The following CDC16 variants were observed in gnomAD, a reference collection of about 807,000 sequenced individuals.
CDC16 encodes cell division cycle protein 16 homolog.
A neutral mutation model predicts 87.0 loss-of-function variants in CDC16; 34 were observed. That is an observed-to-expected ratio of 0.39 (90% CI 0.30 to 0.52). The LOEUF is 0.52. Ranked by LOEUF, CDC16 falls within the 20% of genes least tolerant of loss-of-function variation. CDC16 has a pLI of 0.74. For synonymous variants in CDC16, 263 were observed against 260.6 expected (o/e 1.01, Z -0.09); for missense variants, 653 against 751.9 (o/e 0.87, Z 1.54).
intron 5 of CDC16, 136 bp from the exon 6 acceptor site, chr13:114,241,985 A>G: frequency 1.0e-6 from 1 of 956,430 alleles, no homozygotes; most frequent in Non-Finnish European, 1.5e-6. Context: ...ATAGGAGTTC[A>G]AGGCTGCAGT....
chr13:114,259,410 A>G lies in CDC16; in HGVS notation c.1314+12A>G. On this transcript the variant is annotated intron_variant, in intron 14 of 17. Coordinates refer to ENST00000356221, the MANE Select transcript of CDC16 (RefSeq NM_001078645.3). ...CAATTGGGAACGAGGTATTCTTTGT[A>G]GTACCTGTAAATATACACATATACA... The G allele has an allele frequency of 6.6e-7, 1 of 1,506,756 alleles. No individual in the cohort carries two copies. Among genetic ancestry groups the G allele is most frequent in the Non-Finnish European group, 8.9e-7 (1 of 1,118,894 alleles). The allele number at this position is 1,506,756 out of a possible 1,614,324, so 93.3% of individuals were successfully genotyped here. A position where few individuals can be genotyped will look rare whatever the true frequency, so the allele number is the denominator to read the frequency against.
At chr13:114,245,913 A>T in intron 9 of CDC16, 87 bp from the exon 10 acceptor site, 2 of 727,102 alleles carry the variant, frequency 2.8e-6, no homozygotes, top group Non-Finnish European at 4.7e-6. Context: ...GAGCAGAATT[A>T]TATGATTGTG....
intron 6 of CDC16, 145 bp downstream of exon 6, chr13:114,242,425 A>G (rs2081598725): frequency 2.8e-6 from 2 of 715,166 alleles, no homozygotes; most frequent in Admixed American, 5.6e-5. Flanking sequence ...TCAAATGTAA[A>G]GCACGTTGCA....
chr13:114,263,004 A>G lies in CDC16; in HGVS notation c.1502A>G (p.Tyr501Cys), dbSNP rs751461270. ...LMGNFENAVD[Y>C]FHTALGLRRD... ...GGCAACTTTGAAAATGCTGTGGACT[A>G]CTTCCACACAGTATGTCTTTTCTTT... Residue 501 changes from tyrosine (Y) to cysteine (C), a missense_variant, in exon 16 of 18, where the codon TAC (tyrosine) becomes TGC (cysteine). Coordinates refer to ENST00000356221, the MANE Select transcript of CDC16 (RefSeq NM_001078645.3). 5.6e-6 allele frequency: 9 copies of G among 1,612,794 alleles called. No homozygotes were observed. Among genetic ancestry groups the G allele is most frequent in the Admixed American group, 5.0e-5 (3 of 60,010 alleles).
At chr13:114,238,398 C>G (rs4383026) in intron 3 of CDC16, among the ~76,000 whole-genome samples, 51 of 129,534 alleles carry the variant, frequency 3.9e-4, no homozygotes, top group Middle Eastern at 4.1e-3. Flanking sequence ...GGAGCTGCTG[C>G]GAGCTCCTCG....
chr13:114,246,159 T>C, intron 10 of CDC16, 110 bp downstream of exon 10: 1 of 554,738 alleles, frequency 1.8e-6, no homozygotes, highest in Non-Finnish European at 3.1e-6. Flanking sequence ...GATGTTTTAT[T>C]AAAGTGTTGC....
At chr13:114,259,039 C>CA (rs2082676896) in intron 13 of CDC16, among the ~76,000 whole-genome samples, 1 of 147,212 alleles carries the variant, frequency 6.8e-6, no homozygotes, top group Non-Finnish European at 1.5e-5. Flanking sequence ...GCAGAGGCTG[C>CA]AGTGAGCTGA....
chr13:114,261,321 A>T (rs935828306), intron 14 of CDC16, among the ~76,000 whole-genome samples: 1 of 152,106 alleles, frequency 6.6e-6, no homozygotes, highest in African/African-American at 2.4e-5. Flanking sequence ...ACCCGGTCAG[A>T]CTTTTATGAT....
chr13:114,267,059 C>G (rs1204305198), intron 17 of CDC16, among the ~76,000 whole-genome samples: 3 of 152,158 alleles, frequency 2.0e-5, no homozygotes, highest in Non-Finnish European at 2.9e-5. Context: ...AATCTATAGA[C>G]AAAGGAATAC....
chr13:114,267,467 C>G (rs1396908224), intron 17 of CDC16, among the ~76,000 whole-genome samples: 1 of 142,734 alleles, frequency 7.0e-6, no homozygotes, highest in African/African-American at 2.9e-5. Context: ...TGCCACTGCA[C>G]TCCAGCCTGG....
intron 16 of CDC16, 182 bp from the exon 17 acceptor site, chr13:114,264,968 A>T (rs888017813): frequency 3.7e-6 from 2 of 540,546 alleles, no homozygotes; most frequent in Non-Finnish European, 6.8e-6. Context: ...AAAATAGAAT[A>T]GTGTGATGAA....
chr13:114,247,219 C>A (rs1002669030), intron 11 of CDC16: 2 of 544,768 alleles, frequency 3.7e-6, no homozygotes, highest in African/African-American at 1.9e-5. Context: ...ACTCTGTTGC[C>A]CAGACTAGAG....
chr13:114,261,769 G>T, intron 14 of CDC16, 118 bp from the exon 15 acceptor site: 1 of 623,888 alleles, frequency 1.6e-6, no homozygotes, highest in South Asian at 2.3e-5. Context: ...CTTGTGGTGT[G>T]CTGGCGGCAC....
chr13:114,242,585 TG>T (rs2081606736), intron 6 of CDC16: 1 of 253,718 alleles, frequency 3.9e-6, no homozygotes, highest in East Asian at 8.9e-5. Context: ...TTTACATCCT[TG>T]GGAAGACAGA....
rs891794851 is a variant in CDC16 at position 114,241,974 on chromosome 13, C to T, written c.382-147C>T. On this transcript the variant is annotated intron_variant, in intron 5 of 17. Transcript: ENST00000356221. ...CTGAGGCAGGAGGGTCATTTGAGAT[C>T]ATAGGAGTTCAAGGCTGCAGTGAGC... is the stretch of plus-strand genomic sequence containing the variant. 7 of 819,804 alleles carry T rather than the reference C, an allele frequency of 8.5e-6. No homozygotes were observed. In the African/African-American group the frequency reaches 1.2e-4, roughly 14 times the overall value. The allele number at this position is 819,804 out of a possible 1,614,324, so 50.8% of individuals were successfully genotyped here.
Position 114,272,458 on chromosome 13 carries a change from C to T in CDC16, c.*15C>T, listed in dbSNP as rs1313243757. ...ACAGCACGTGACTCCAGTCAGTGGTCCTGGTCCCACTGTCCCAGTGTAGGT... is the reference window on the plus strand; with the variant it reads ...ACAGCACGTGACTCCAGTCAGTGGTTCTGGTCCCACTGTCCCAGTGTAGGT... On this transcript the variant is annotated 3_prime_UTR_variant, in exon 18 of 18. Coordinates refer to ENST00000356221, the MANE Select transcript of CDC16 (RefSeq NM_001078645.3). 2 of 1,608,810 alleles carry T rather than the reference C, an allele frequency of 1.2e-6. No homozygotes were observed. Among genetic ancestry groups the T allele is most frequent in the Admixed American group, 1.7e-5 (1 of 59,760 alleles).
chr13:114,239,079 ATGC>A, intron 4 of CDC16, 51 bp downstream of exon 4: 1 of 1,581,678 alleles, frequency 6.3e-7, no homozygotes, highest in South Asian at 1.1e-5. Context: ...AATGAGTGTT[ATGC>A]ATCTCTTAAA....
intron 17 of CDC16, among the ~76,000 whole-genome samples, chr13:114,271,338 G>A (rs902803243): frequency 3.0e-4 from 46 of 152,016 alleles, no homozygotes; most frequent in Middle Eastern, 3.2e-3. Context: ...TGTTTATGTC[G>A]AATGATTGTA....
At chr13:114,237,679 A>G (rs2081323104) in intron 3 of CDC16, among the ~76,000 whole-genome samples, 2 of 152,088 alleles carry the variant, frequency 1.3e-5, no homozygotes, top group South Asian at 2.1e-4. Flanking sequence ...TAGTCTCTAA[A>G]TTCTGAAGAC....
Sources: gnomAD v4.1 joint callset for allele counts (sites outside exome capture counted in the v4.1 genomes callset) on GRCh38, gnomAD v4.1.1 for gene constraint, MANE v1.5 for transcripts, NCBI Gene and HGNC (gene_info 2026-07-23, HGNC 2026-07-21) for gene names.